EIPR1: variants seen among roughly 807,000 people sequenced by gnomAD.
EIPR1 encodes the protein EARP complex and GARP complex interacting protein 1, also known as EARP and GARP complex-interacting protein 1.
Under a neutral mutation model 48.1 loss-of-function variants are expected in EIPR1, and 25 were observed. The ratio of observed to expected loss-of-function variants is 0.52; its 90% CI spans 0.38 to 0.73. The LOEUF (loss-of-function observed/expected upper bound fraction) is 0.73. Ranked by LOEUF, EIPR1 falls within the 30% of genes least tolerant of loss-of-function variation. The pLI, the probability that EIPR1 is intolerant of heterozygous loss-of-function variation, is 0.00. For missense variants in EIPR1, 415 were observed against 506.2 expected (o/e 0.82, Z 1.73); for synonymous variants, 204 against 201.9 (o/e 1.01, Z -0.09).
intron 5 of EIPR1, among the ~76,000 whole-genome samples, chr2:3,199,072 G>GCCCCCCCCCC (rs986945204): frequency 4.1e-5 from 1 of 24,400 alleles, no homozygotes; most frequent in East Asian, 5.0e-4. Context: ...CCCCCCCCCC[G>GCCCCCCCCCC]CCCCGGGAAT....
Position 3,196,954 on chromosome 2 carries a change from G to A in EIPR1, c.580C>T (p.Pro194Ser). 1 of 1,613,984 alleles carries A rather than the reference G, an allele frequency of 6.2e-7. No individual in the cohort carries two copies. Among genetic ancestry groups the A allele is most frequent in the Non-Finnish European group, 8.5e-7 (1 of 1,180,044 alleles). The change falls in exon 6 of 9, where the codon CCA becomes TCA. Residue 194 changes from proline to serine, a missense_variant. Transcript: ENST00000382125. ...QLKFTSGRWS[P>S]HHNCTQVATA... Reference sequence around the variant, plus strand: ...GCCACCTGGGTGCAGTTATGATGTGGGCTCCACCGTCCTGAGGTGAACTTC... The same window carrying A: ...GCCACCTGGGTGCAGTTATGATGTGAGCTCCACCGTCCTGAGGTGAACTTC...
chr2:3,201,590 A>C (rs1185701750), intron 5 of EIPR1, among the ~76,000 whole-genome samples: 1 of 152,178 alleles, frequency 6.6e-6, no homozygotes, highest in African/African-American at 2.4e-5. Context: ...AGCTCCAAGG[A>C]ACCATATAGT....
intron 3 of EIPR1, among the ~76,000 whole-genome samples, chr2:3,296,352 C>T (rs538114512): frequency 3.3e-4 from 43 of 128,792 alleles, no homozygotes; most frequent in African/African-American, 1.1e-3. Flanking sequence ...TCTCTCTCTA[C>T]ACACACACAC....
At chr2:3,272,335 C>T (rs1230668759) in intron 3 of EIPR1, among the ~76,000 whole-genome samples, 1 of 152,188 alleles carries the variant, frequency 6.6e-6, no homozygotes, top group Admixed American at 6.5e-5. Flanking sequence ...ACAACTTGGC[C>T]AACTGGTGTG....
At chr2:3,285,244 G>C (rs1426898499) in intron 3 of EIPR1, among the ~76,000 whole-genome samples, 1 of 151,950 alleles carries the variant, frequency 6.6e-6, no homozygotes, top group Non-Finnish European at 1.5e-5. Flanking sequence ...CAGGCTCCAA[G>C]CACACCCTGG....
intron 3 of EIPR1, among the ~76,000 whole-genome samples, chr2:3,293,721 T>C (rs956481931): frequency 6.6e-6 from 1 of 152,150 alleles, no homozygotes; most frequent in Non-Finnish European, 1.5e-5. Context: ...TAAACTCTCT[T>C]AATATGCTGC....
intron 2 of EIPR1, among the ~76,000 whole-genome samples, chr2:3,345,636 AG>A (rs1670376751): frequency 6.6e-6 from 1 of 151,988 alleles, no homozygotes; most frequent in South Asian, 2.1e-4. Flanking sequence ...AAAAAAAAAA[AG>A]AAAAAGTAAG....
At chr2:3,283,543 G>A (rs982630735) in intron 3 of EIPR1, among the ~76,000 whole-genome samples, 6 of 152,282 alleles carry the variant, frequency 3.9e-5, no homozygotes, top group East Asian at 3.9e-4. Context: ...TTCACACCCC[G>A]GCACACTGGC....
At chr2:3,306,290 C>G (rs1270943747) in intron 3 of EIPR1, among the ~76,000 whole-genome samples, 1 of 152,202 alleles carries the variant, frequency 6.6e-6, no homozygotes, top group Non-Finnish European at 1.5e-5. Flanking sequence ...TCTCTTTTCC[C>G]CCCTTCTGTT....
chr2:3,318,286 C>T lies in EIPR1; in HGVS notation c.259+19731G>A, dbSNP rs188267552. Among the ~76,000 whole-genome samples, 46 of 152,326 alleles carry T rather than the reference C, an allele frequency of 3.0e-4. 1 individual carries two copies. Among genetic ancestry groups the T allele is most frequent in the African/African-American group, 1.0e-3 (42 of 41,564 alleles). ...AAATTGGGCTTTGTCTAAGCACCCC[C>T]TCGTGGGCTGAAACCTGGAGGAAGG... On this transcript the variant is annotated intron_variant, in intron 3 of 8. Transcript: ENST00000382125.
At chr2:3,281,143 T>C (rs1417090090) in intron 3 of EIPR1, among the ~76,000 whole-genome samples, 1 of 152,164 alleles carries the variant, frequency 6.6e-6, no homozygotes, top group East Asian at 1.9e-4. Flanking sequence ...GGTCTTTCGG[T>C]ACTCGAGGTC....
At chr2:3,234,426 C>T (rs1444708685) in intron 4 of EIPR1, among the ~76,000 whole-genome samples, 1 of 152,146 alleles carries the variant, frequency 6.6e-6, no homozygotes, top group African/African-American at 2.4e-5. Context: ...TTCTCCGTGT[C>T]GGCTGGGGAC....
chr2:3,345,782 G>A (rs967370391), intron 2 of EIPR1, among the ~76,000 whole-genome samples: 6 of 152,106 alleles, frequency 3.9e-5, no homozygotes, highest in African/African-American at 1.4e-4. Flanking sequence ...CTCTTTACAC[G>A]GATGCACATG....
intron 3 of EIPR1, among the ~76,000 whole-genome samples, chr2:3,326,285 T>C (rs1264788062): frequency 6.6e-6 from 1 of 152,202 alleles, no homozygotes; most frequent in Admixed American, 6.5e-5. Flanking sequence ...GTGCCCATTT[T>C]ACAGATGAAC....
At chr2:3,368,086 T>G (rs1432065687) in intron 1 of EIPR1, among the ~76,000 whole-genome samples, 1 of 152,034 alleles carries the variant, frequency 6.6e-6, no homozygotes, top group Admixed American at 6.6e-5. Context: ...CATCTTCCAT[T>G]TCAAAAGTCT....
chr2:3,226,385 G>A (rs192371747), intron 4 of EIPR1, among the ~76,000 whole-genome samples: 45 of 152,274 alleles, frequency 3.0e-4, no homozygotes, highest in African/African-American at 8.4e-4. Context: ...CGTTGAGCAC[G>A]TTTTCATATG....
chr2:3,368,651 G>A (rs1423710121), intron 1 of EIPR1, among the ~76,000 whole-genome samples: 1 of 152,204 alleles, frequency 6.6e-6, no homozygotes, highest in Non-Finnish European at 1.5e-5. Flanking sequence ...ATGATTGCAG[G>A]AGAGAAGTCA....
At chr2:3,377,552 G>A in intron 1 of EIPR1, 96 bp downstream of exon 1, 4 of 1,456,936 alleles carry the variant, frequency 2.7e-6, no homozygotes, top group East Asian at 2.5e-5. Context: ...GTCCTTGCAG[G>A]GCTGGTGGGA....
chr2:3,236,431 G>C (rs566057300), intron 4 of EIPR1, among the ~76,000 whole-genome samples: 1 of 152,332 alleles, frequency 6.6e-6, no homozygotes, highest in East Asian at 1.9e-4. Context: ...GCTCAGCCCA[G>C]GTGATGACTT....
Sources: allele counts gnomAD v4.1 joint callset (sites outside exome capture counted in the v4.1 genomes callset), GRCh38; gene constraint gnomAD v4.1.1; transcripts MANE v1.5; gene names NCBI Gene and HGNC (gene_info 2026-07-23, HGNC 2026-07-21).